RAB44: variants seen among roughly 807,000 people sequenced by gnomAD.
The protein encoded by RAB44 is ras-related protein Rab-44.
In RAB44, 67 loss-of-function variants were observed where a neutral mutation model predicts 93.3. The observed-to-expected ratio is 0.72, with a 90% confidence interval of 0.59 to 0.88. The LOEUF (loss-of-function observed/expected upper bound fraction) is 0.88, where lower values mean the gene tolerates loss of function less well. RAB44 is among the 40% of genes least tolerant of loss of function. RAB44 has a pLI of 0.00. For synonymous variants in RAB44, 427 were observed against 520.3 expected (o/e 0.82, Z 2.44); for missense variants, 1,064 against 1,261.7 (o/e 0.84, Z 2.37).
rs143120548 is a variant in RAB44 at position 36,717,081 on chromosome 6, G to T, written c.495-192G>T. On this transcript the variant is annotated intron_variant, in intron 4 of 13. Transcript: ENST00000612677. The surrounding 1 kb of genome is among the most constrained non-coding windows in gnomAD (Gnocchi z 4.1). ...AGTGTGGCGGGGGTTCGAGAAGGGAGAGGGCACATCTGGGAATGGTTCCTG... is the reference window on the plus strand; with the variant it reads ...AGTGTGGCGGGGGTTCGAGAAGGGATAGGGCACATCTGGGAATGGTTCCTG... Among the ~76,000 whole-genome samples the T allele has an allele frequency of 1.2e-4, 18 of 152,348 alleles. No homozygotes were observed. Among genetic ancestry groups the T allele is most frequent in the Non-Finnish European group, 2.4e-4 (16 of 68,034 alleles).
At chr6:36,729,462 G>A (rs989271318) in intron 12 of RAB44, among the ~76,000 whole-genome samples, 2 of 151,796 alleles carry the variant, frequency 1.3e-5, no homozygotes, top group South Asian at 2.1e-4. Flanking sequence ...CTGCTGGAAG[G>A]GAATTTTTTT....
chr6:36,732,277 A>T lies in RAB44; in HGVS notation c.*184A>T. On this transcript the variant is annotated 3_prime_UTR_variant, in exon 14 of 14. Transcript: ENST00000612677. ...ACCTCTGCCTTTCACACTCCAAAGG[A>T]GGGCTTTGCTGAGTGAACAAGGCTT... The T allele has an allele frequency of 2.7e-6, 1 of 372,496 alleles. No individual in the cohort carries two copies. Among genetic ancestry groups the T allele is most frequent in the Non-Finnish European group, 4.8e-6 (1 of 210,064 alleles). 23.1% of individuals were successfully genotyped at this position (372,496 alleles called of 1,614,324 possible). A position where few individuals can be genotyped will look rare whatever the true frequency, so the allele number is the denominator to read the frequency against.
intron 3 of RAB44, 56 bp from the exon 4 acceptor site, chr6:36,715,423 C>G: frequency 6.7e-7 from 1 of 1,501,556 alleles, no homozygotes; most frequent in Non-Finnish European, 8.9e-7. Flanking sequence ...GGGTGGGAGG[C>G]CAGGCGTCTG....
At position 36,701,889 on chromosome 6, in the gene RAB44, G is replaced by A. The variant is rs944975219; in HGVS notation, c.-12-2335G>A. 2.0e-4 allele frequency among the ~76,000 whole-genome samples: 31 copies of A among 152,258 alleles called. 1 individual carries two copies. The highest frequency in any genetic ancestry group is 1.3e-3 in the East Asian group (7 of 5,190). On this transcript the variant is annotated intron_variant, in intron 1 of 13. Transcript: ENST00000612677. ...TTCCACTTGTCAAACCATGAGCCCT[G>A]GCACTGGGCTGTGTCTGCCAGCAGG...
At chr6:36,713,594 T>C (rs1394432636) in intron 2 of RAB44, among the ~76,000 whole-genome samples, 2 of 152,160 alleles carry the variant, frequency 1.3e-5, no homozygotes, top group Non-Finnish European at 2.9e-5. Context: ...CACGTACGTT[T>C]TGATTTTGGA....
At chr6:36,720,192 T>C (rs1763035742) in intron 7 of RAB44, among the ~76,000 whole-genome samples, 171 bp from the exon 8 acceptor site, 1 of 152,062 alleles carries the variant, frequency 6.6e-6, no homozygotes, top group South Asian at 2.1e-4. Flanking sequence ...TAGGAGCTAA[T>C]GGAGCTAGTT....
chr6:36,714,062 G>A (rs1279674433), intron 3 of RAB44, 123 bp downstream of exon 3: 4 of 665,438 alleles, frequency 6.0e-6, no homozygotes, highest in African/African-American at 1.8e-5. Context: ...CCCCATCCCC[G>A]GCTGCCACAG....
intron 2 of RAB44, among the ~76,000 whole-genome samples, chr6:36,713,146 GC>G (rs796473982): frequency 7.2e-5 from 11 of 152,260 alleles, no homozygotes; most frequent in African/African-American, 2.6e-4. Context: ...TGACCTGTAG[GC>G]CATGATATAT....
At chr6:36,729,285 G>A (rs570357346) in intron 12 of RAB44, among the ~76,000 whole-genome samples, 3 of 152,260 alleles carry the variant, frequency 2.0e-5, no homozygotes, top group African/African-American at 7.2e-5. Flanking sequence ...ATCTATTCAT[G>A]AATGGCATTT....
rs369872322 is a variant in RAB44, at chr6:36,715,587, A to T, written c.428A>T (p.Asp143Val). ...AGCTTCCCAGCTCTGGAGGAGGCGG[A>T]TGCTGAGGAGAAGGAGGCGTTCCTT... Reference protein sequence around the residue: ...TTSFPALEEADAEEKEAFLAF... With the variant: ...TTSFPALEEAVAEEKEAFLAF... The change falls in exon 4 of 14, where the codon GAT becomes GTT. Residue 143 changes from aspartate (D) to valine (V), a missense_variant. Physicochemically the swap from Asp to Val is radical, Grantham distance 152. Transcript: ENST00000612677. 7.4e-5 allele frequency: 113 copies of T among 1,536,170 alleles called. No homozygotes were observed. The East Asian group carries it at 2.3e-3, about 31-fold the overall frequency.
At position 36,722,575 on chromosome 6, in the gene RAB44, C is replaced by A. The variant is rs770036296; in HGVS notation, c.2441C>A (p.Thr814Asn). The A allele has an allele frequency of 7.7e-6, 12 of 1,550,108 alleles. No individual in the cohort carries two copies. Among genetic ancestry groups the A allele is most frequent in the Non-Finnish European group, 7.8e-6 (9 of 1,146,760 alleles). ...PGMDSREAGLTPSPGDPMAGG... is the reference protein window; with the variant it reads ...PGMDSREAGLNPSPGDPMAGG... ...ATGGACTCCAGGGAAGCTGGGCTGA[C>A]CCCATCCCCGGGAGACCCCATGGCT... is the stretch of plus-strand genomic sequence containing the variant. The change falls in exon 9 of 14, where the codon ACC becomes AAC. Residue 814 changes from threonine to asparagine, a missense_variant. By Grantham distance (65) the Thr-to-Asn change is moderately conservative. Transcript: ENST00000612677.
rs1416576672 is a variant in RAB44, at chr6:36,715,602, A to C, written c.443A>C (p.Glu148Ala). 6 of 1,536,202 alleles carry C rather than the reference A, an allele frequency of 3.9e-6. No individual in the cohort carries two copies. The highest frequency in any genetic ancestry group is 5.2e-6 in the Non-Finnish European group (6 of 1,146,912). The change falls in exon 4 of 14, where the codon GAG (glutamate) becomes GCG (alanine). Residue 148 changes from glutamate to alanine, a missense_variant. Coordinates refer to ENST00000612677, the MANE Select transcript of RAB44 (RefSeq NM_001257357.2). The stretch of plus-strand genomic sequence containing the variant: ...GAGGAGGCGGATGCTGAGGAGAAGG[A>C]GGCGTTCCTTGCCTTCATGGAGCAG... ...ALEEADAEEKEAFLAFMEQLG... is the reference protein window; with the variant it reads ...ALEEADAEEKAAFLAFMEQLG...
chr6:36,715,644 T>TA lies in RAB44; in HGVS notation c.486dup (p.Leu163ThrfsTer54). 1 of 1,535,980 alleles carries TA rather than the reference T, an allele frequency of 6.5e-7. No homozygotes were observed. Among genetic ancestry groups the TA allele is most frequent in the Non-Finnish European group, 8.7e-7 (1 of 1,146,834 alleles). On this transcript the variant is annotated frameshift_variant, in exon 4 of 14. Transcript: ENST00000612677. LOFTEE classifies it high-confidence loss of function. The stretch of plus-strand genomic sequence containing the variant: ...ATGGAGCAGCTGGGGACTGGACACT[T>TA]ACTTCCCAAGTAAGGCCAGGGCGGC...
intron 11 of RAB44, among the ~76,000 whole-genome samples, chr6:36,728,016 C>G (rs1437458901): frequency 2.6e-5 from 4 of 152,184 alleles, no homozygotes; most frequent in Non-Finnish European, 5.9e-5. Context: ...TTCCTCTGTT[C>G]ACACATCTCT....
At chr6:36,725,663 G>A (rs573147971) in intron 9 of RAB44, among the ~76,000 whole-genome samples, 199 bp from the exon 10 acceptor site, 34 of 152,328 alleles carry the variant, frequency 2.2e-4, no homozygotes, top group African/African-American at 7.2e-4. Flanking sequence ...CACAACTTGC[G>A]GCAGGGAGGT....
chr6:36,733,163 A>C lies in RAB44; in HGVS notation c.*1070A>C, dbSNP rs1763397278. On this transcript the variant is annotated 3_prime_UTR_variant, in exon 14 of 14. Transcript: ENST00000612677. ...CACATCTTACCATCATCACAAATTG[A>C]ATATACAACATGTGCCAGGCACTGA... The C allele has an allele frequency of 6.6e-6, 1 of 152,168 alleles. No homozygotes were observed. The highest frequency in any genetic ancestry group is 2.4e-5 in the African/African-American group (1 of 41,418). The allele number at this position is 152,168 out of a possible 1,614,324, so 9.4% of individuals were successfully genotyped here.
intron 2 of RAB44, among the ~76,000 whole-genome samples, chr6:36,710,694 C>T (rs1398522585): frequency 2.0e-5 from 3 of 151,658 alleles, no homozygotes; most frequent in Admixed American, 1.3e-4. Flanking sequence ...TCTTGGCTCA[C>T]CGCAACCTCC....
Position 36,723,790 on chromosome 6 carries a change from G to A in RAB44, c.2599+1057G>A, listed in dbSNP as rs948645407. Among the ~76,000 whole-genome samples, 60 of 133,410 alleles carry A rather than the reference G, an allele frequency of 4.5e-4. 2 individuals carry two copies. The highest frequency in any genetic ancestry group is 1.4e-3 in the African/African-American group (52 of 36,436). The allele number at this position is 133,410 out of a possible 152,430, so 87.5% of individuals were successfully genotyped here. A position where few individuals can be genotyped will look rare whatever the true frequency, so the allele number is the denominator to read the frequency against. On this transcript the variant is annotated intron_variant, in intron 9 of 13. Transcript: ENST00000612677. ...GCGGTGCTTGCAGTGAGTCGAGATC[G>A]CACCACTGCACTCCAGCCTGGGCGA... is the stretch of plus-strand genomic sequence containing the variant.
Position 36,730,860 on chromosome 6 carries a change from G to A in RAB44, c.2975+111G>A, listed in dbSNP as rs561971184. On this transcript the variant is annotated intron_variant, in intron 13 of 13. Transcript: ENST00000612677. Reference sequence around the variant, plus strand: ...GTGGGACAGGAAGGCCCATTCTGAGGAAATGGGTCAGGGAAGCACCTAGTT... The same window carrying A: ...GTGGGACAGGAAGGCCCATTCTGAGAAAATGGGTCAGGGAAGCACCTAGTT... 1.2e-4 allele frequency: 61 copies of A among 493,466 alleles called. No homozygotes were observed. The Admixed American group carries it at 2.2e-3, about 18-fold the overall frequency. 30.6% of individuals were successfully genotyped at this position (493,466 alleles called of 1,614,324 possible).
Sources: gnomAD v4.1 joint callset for allele counts (sites outside exome capture counted in the v4.1 genomes callset) on GRCh38, gnomAD v4.1.1 for gene constraint, Gnocchi (gnomAD v3.1) non-coding constraint, MANE v1.5 for transcripts, NCBI Gene and HGNC (gene_info 2026-07-23, HGNC 2026-07-21) for gene names.